The following PRCP variants were observed in gnomAD, a reference collection of about 807,000 sequenced individuals.
PRCP encodes prolylcarboxypeptidase, also known as lysosomal Pro-X carboxypeptidase.
A neutral mutation model predicts 54.2 loss-of-function variants in PRCP; 46 were observed. That is an observed-to-expected ratio of 0.85 (90% CI 0.67 to 1.09). The LOEUF is 1.09. Ranked by LOEUF, PRCP falls within the 50% of genes least tolerant of loss-of-function variation. The pLI is 0.00. For synonymous variants in PRCP, 240 were observed against 212.2 expected (o/e 1.13, Z -1.14); for missense variants, 613 against 596.8 (o/e 1.03, Z -0.28).
intron 1 of PRCP, among the ~76,000 whole-genome samples, chr11:82,886,364 A>G (rs1263532081): frequency 6.6e-6 from 1 of 152,148 alleles, no homozygotes; most frequent in African/African-American, 2.4e-5. Context: ...AGCTCTCTGC[A>G]GCCTTGACCT....
intron 8 of PRCP, among the ~76,000 whole-genome samples, chr11:82,834,207 C>G (rs75809628): frequency 0.011 from 1,745 of 152,230 alleles, 35 homozygotes; most frequent in African/African-American, 0.039. Context: ...TAACTGTGAG[C>G]GATACATTTG....
chr11:82,847,751 C>T (rs977549880), intron 6 of PRCP, among the ~76,000 whole-genome samples: 1 of 152,078 alleles, frequency 6.6e-6, no homozygotes. Flanking sequence ...CACCCCTATG[C>T]CCTGCTAATT....
intron 1 of PRCP, among the ~76,000 whole-genome samples, chr11:82,892,888 T>G (rs1467584371): frequency 1.3e-5 from 2 of 152,206 alleles, no homozygotes; most frequent in Admixed American, 6.5e-5. Flanking sequence ...TTTGAACTCC[T>G]TCAGGGTATA....
chr11:82,899,518 T>G (rs544731056), intron 1 of PRCP, among the ~76,000 whole-genome samples: 9 of 152,200 alleles, frequency 5.9e-5, no homozygotes, highest in Non-Finnish European at 1.3e-4. Flanking sequence ...TACTTGTCAT[T>G]TCACAGAGGA....
At chr11:82,848,995 C>G (rs1159777180) in intron 6 of PRCP, 54 bp downstream of exon 6, 9 of 1,552,124 alleles carry the variant, frequency 5.8e-6, no homozygotes, top group Non-Finnish European at 6.2e-6. Context: ...AGAGTATGCA[C>G]ATTAAAAAAA....
intron 1 of PRCP, among the ~76,000 whole-genome samples, chr11:82,865,939 C>T (rs978378520): frequency 1.3e-5 from 2 of 152,134 alleles, no homozygotes; most frequent in Admixed American, 1.3e-4. Flanking sequence ...AGCCCTAGAT[C>T]TACAGTTGGA....
intron 1 of PRCP, among the ~76,000 whole-genome samples, chr11:82,885,727 G>C (rs913101851): frequency 1.3e-5 from 2 of 152,206 alleles, no homozygotes; most frequent in Admixed American, 1.3e-4. Context: ...TTCCAAGAGT[G>C]AAAGATGAAT....
At chr11:82,862,499 CAGTGCTT>C (rs1308120045) in intron 1 of PRCP, among the ~76,000 whole-genome samples, 1 of 152,174 alleles carries the variant, frequency 6.6e-6, no homozygotes, top group African/African-American at 2.4e-5. Flanking sequence ...CTCCCAGGAA[CAGTGCTT>C]AGTTTTGACC....
chr11:82,854,680 C>CAAACAAACA (rs150587122), intron 2 of PRCP, among the ~76,000 whole-genome samples: 2 of 151,630 alleles, frequency 1.3e-5, no homozygotes, highest in African/African-American at 4.9e-5. Context: ...TATAAAACAA[C>CAAACAAACA]AACAAACAAA....
At chr11:82,879,911 G>C (rs182425608) in intron 1 of PRCP, among the ~76,000 whole-genome samples, 316 of 152,270 alleles carry the variant, frequency 2.1e-3, no homozygotes, top group African/African-American at 7.3e-3. Context: ...TGTCTCAGAG[G>C]GGCACCCAGT....
Position 82,900,389 on chromosome 11 carries a change from G to A in PRCP, c.14C>T (p.Ala5Val). The change falls in exon 1 of 9, where the codon GCC becomes GTC. Residue 5 changes from alanine to valine, a missense_variant. Coordinates refer to ENST00000313010, the MANE Select transcript of PRCP (RefSeq NM_005040.4). MGRR[A>V]LLLLLLSFLA... Reference sequence around the variant, plus strand: ...AAAAGACAGAAGCAGGAGCAGGAGGGCTCGGCGGCCCATGGCTCAGGCTGG... The same window carrying A: ...AAAAGACAGAAGCAGGAGCAGGAGGACTCGGCGGCCCATGGCTCAGGCTGG... 6.2e-7 allele frequency: 1 copy of A among 1,613,576 alleles called. No homozygotes were observed. The highest frequency in any genetic ancestry group is 8.5e-7 in the Non-Finnish European group (1 of 1,179,840).
At chr11:82,887,468 C>T (rs1323328355) in intron 1 of PRCP, among the ~76,000 whole-genome samples, 1 of 152,194 alleles carries the variant, frequency 6.6e-6, no homozygotes, top group Non-Finnish European at 1.5e-5. Flanking sequence ...TAGAGTGATA[C>T]TTCATTGTTA....
intron 8 of PRCP, chr11:82,830,627 CAAAAAAAAAAAA>C (rs35851740): frequency 5.4e-5 from 1 of 18,646 alleles, no homozygotes; most frequent in Non-Finnish European, 9.7e-5. Context: ...GACTCCATCT[CAAAAAAAAAAAA>C]AAAAAAAAAA....
intron 8 of PRCP, chr11:82,827,734 A>C (rs1362196679): frequency 6.6e-6 from 1 of 152,148 alleles, no homozygotes; most frequent in South Asian, 2.1e-4. Context: ...TGTTTTGGCT[A>C]TTCTGGGTCC....
chr11:82,856,081 T>G (rs931909487), intron 2 of PRCP, among the ~76,000 whole-genome samples: 5 of 152,022 alleles, frequency 3.3e-5, no homozygotes, highest in African/African-American at 1.2e-4. Flanking sequence ...CAAGACAGGT[T>G]GATTACTTGA....
rs1858904594 is a variant in PRCP at position 82,849,924 on chromosome 11, G to A, written c.741C>T (p.Leu247=). 2.7e-6 allele frequency: 4 copies of A among 1,497,034 alleles called. No homozygotes were observed. In the East Asian group the frequency reaches 7.6e-5, roughly 28 times the overall value. 92.7% of individuals were successfully genotyped at this position (1,497,034 alleles called of 1,614,324 possible). A position where few individuals can be genotyped will look rare whatever the true frequency, so the allele number is the denominator to read the frequency against. Residue 247 remains leucine (L), a synonymous_variant, in exon 5 of 9, where the codon CTC becomes CTT. Transcript: ENST00000313010. ...IHRSWDAINR[L]SNTGSGLQWL... Reference sequence around the variant, plus strand: ...TTAATTAAAGCTTACCAGTATTTGAGAGTCGATTAATGGCATCCCAGGACC... The same window carrying A: ...TTAATTAAAGCTTACCAGTATTTGAAAGTCGATTAATGGCATCCCAGGACC...
intron 5 of PRCP, 41 bp from the exon 6 acceptor site, chr11:82,849,259 G>C: frequency 1.9e-6 from 3 of 1,593,466 alleles, no homozygotes; most frequent in East Asian, 2.2e-5. Context: ...AAAAGTACTG[G>C]TCAACAGATG....
At chr11:82,892,073 G>C (rs760414570) in intron 1 of PRCP, among the ~76,000 whole-genome samples, 59 of 152,150 alleles carry the variant, frequency 3.9e-4, no homozygotes, top group Non-Finnish European at 7.5e-4. Flanking sequence ...TACCTCACAG[G>C]ATTGTTGTAA....
intron 8 of PRCP, chr11:82,828,658 T>A (rs1858302796): frequency 6.6e-6 from 1 of 152,206 alleles, no homozygotes; most frequent in African/African-American, 2.4e-5. Context: ...ATAATTCCCA[T>A]AATTTGCAAA....
Sources: gnomAD v4.1 joint callset for allele counts (sites outside exome capture counted in the v4.1 genomes callset) on GRCh38, gnomAD v4.1.1 for gene constraint, MANE v1.5 for transcripts, NCBI Gene and HGNC (gene_info 2026-07-23, HGNC 2026-07-21) for gene names.